OR2F1: variants seen among roughly 807,000 people sequenced by gnomAD.
OR2F1 encodes olfactory receptor 2F1.
For synonymous variants in OR2F1, 146 were observed against 155.3 expected, an observed-to-expected ratio of 0.94 and a Z score of 0.44; for missense variants, 389 against 378.2, an observed-to-expected ratio of 1.03 and a Z score of -0.24.
rs1403585969 is a variant in OR2F1, at chr7:143,963,733, T to A, written c.*2809T>A. On this transcript the variant is annotated 3_prime_UTR_variant, in exon 3 of 3. Coordinates refer to ENST00000641412, the MANE Select transcript of OR2F1 (RefSeq NM_012369.3). Reference sequence around the variant, plus strand: ...GAAAGCTGAAGAAATTGGAGTGGAGTCTGATGTTTAAGGTCAGGAAGCATC... The same window carrying A: ...GAAAGCTGAAGAAATTGGAGTGGAGACTGATGTTTAAGGTCAGGAAGCATC... 6.6e-6 allele frequency: 1 copy of A among 151,876 alleles called. No individual in the cohort carries two copies. Among genetic ancestry groups the A allele is most frequent in the Admixed American group, 6.6e-5 (1 of 15,254 alleles). 9.4% of individuals were successfully genotyped at this position (151,876 alleles called of 1,614,324 possible).
At position 143,960,508 on chromosome 7, in the gene OR2F1, G is replaced by A. The variant is rs112027056; in HGVS notation, c.538G>A (p.Glu180Lys). The A allele has an allele frequency of 5.6e-6, 9 of 1,614,162 alleles. No individual in the cohort carries two copies. In the African/African-American group the frequency reaches 6.7e-5, roughly 12 times the overall value. ...RNKFIDHISC[E>K]LLAVVRLACV... ...CAAGTTTATTGATCACATATCCTGT[G>A]AACTCCTAGCTGTGGTCAGGCTGGC... The change falls in exon 3 of 3, where the codon GAA becomes AAA. Residue 180 changes from glutamate (E) to lysine (K), a missense_variant. Glu to Lys is a moderately conservative substitution (Grantham distance 56, BLOSUM62 1). Transcript: ENST00000641412.
rs1403375535 is a variant in OR2F1 at position 143,961,843 on chromosome 7, A to G, written c.*919A>G. On this transcript the variant is annotated 3_prime_UTR_variant, in exon 3 of 3. Coordinates refer to ENST00000641412, the MANE Select transcript of OR2F1 (RefSeq NM_012369.3). ...TCAATGAAGGGTAAGATAATTTAAT[A>G]TGAAGTTTGGAACGTCAAGGAAGGT... 6.6e-6 allele frequency: 1 copy of G among 152,200 alleles called. No individual in the cohort carries two copies. The highest frequency in any genetic ancestry group is 1.5e-5 in the Non-Finnish European group (1 of 68,034). The allele number at this position is 152,200 out of a possible 1,614,324, so 9.4% of individuals were successfully genotyped here.
At position 143,964,083 on chromosome 7, in the gene OR2F1, C is replaced by T. The variant is rs190686304; in HGVS notation, c.*3159C>T. 6.6e-5 allele frequency: 10 copies of T among 152,110 alleles called. No individual in the cohort carries two copies. Among genetic ancestry groups the T allele is most frequent in the Admixed American group, 1.3e-4 (2 of 15,276 alleles). 9.4% of individuals were successfully genotyped at this position (152,110 alleles called of 1,614,324 possible). A position where few individuals can be genotyped will look rare whatever the true frequency, so the allele number is the denominator to read the frequency against. ...TTTTAATTTCAAGGCTGCACTTTCT[C>T]GGTAACTTTAATCTTCATAAATTAA... On this transcript the variant is annotated 3_prime_UTR_variant, in exon 3 of 3. Transcript: ENST00000641412.
intron 1 of OR2F1, among the ~76,000 whole-genome samples, 169 bp downstream of exon 1, chr7:143,955,272 C>T (rs2050276367): frequency 6.6e-6 from 1 of 151,982 alleles, no homozygotes; most frequent in African/African-American, 2.4e-5. Context: ...AAATTTTGAG[C>T]TTTGCTATTC....
chr7:143,956,917 A>C (rs1043465093), intron 1 of OR2F1, among the ~76,000 whole-genome samples: 2 of 152,150 alleles, frequency 1.3e-5, no homozygotes, highest in African/African-American at 4.8e-5. Context: ...AGAAGAGGGA[A>C]AAATAAAAGA....
At chr7:143,957,797 T>C (rs761032652) in intron 1 of OR2F1, among the ~76,000 whole-genome samples, 13 of 152,150 alleles carry the variant, frequency 8.5e-5, no homozygotes, top group Non-Finnish European at 1.9e-4. Flanking sequence ...CAAGGACCCT[T>C]CAGCTGGCCA....
rs1185532606 is a variant in OR2F1 at position 143,963,637 on chromosome 7, A to C, written c.*2713A>C. 1.3e-5 allele frequency: 2 copies of C among 153,034 alleles called. No individual in the cohort carries two copies. The highest frequency in any genetic ancestry group is 4.8e-5 in the African/African-American group (2 of 41,464). The allele number at this position is 153,034 out of a possible 1,614,324, so 9.5% of individuals were successfully genotyped here. A position where few individuals can be genotyped will look rare whatever the true frequency, so the allele number is the denominator to read the frequency against. ...AAACCTCAAAAGTAGGGAAGCCAAC[A>C]GTGCAGCCCTCAGTCTGTGGCCAAA... On this transcript the variant is annotated 3_prime_UTR_variant, in exon 3 of 3. Coordinates refer to ENST00000641412, the MANE Select transcript of OR2F1 (RefSeq NM_012369.3).
At chr7:143,958,790 C>CAAA (rs1298353816) in intron 1 of OR2F1, among the ~76,000 whole-genome samples, 163 bp from the exon 2 acceptor site, 1 of 151,950 alleles carries the variant, frequency 6.6e-6, no homozygotes, top group African/African-American at 2.4e-5. Context: ...ACTTGCTGAG[C>CAAA]AAAAGTAAGA....
Position 143,963,917 on chromosome 7 carries a change from A to G in OR2F1, c.*2993A>G, listed in dbSNP as rs1170344302. 5 of 152,138 alleles carry G rather than the reference A, an allele frequency of 3.3e-5. No individual in the cohort carries two copies. The highest frequency in any genetic ancestry group is 1.3e-4 in the Admixed American group (2 of 15,268). The allele number at this position is 152,138 out of a possible 1,614,324, so 9.4% of individuals were successfully genotyped here. A position where few individuals can be genotyped will look rare whatever the true frequency, so the allele number is the denominator to read the frequency against. The stretch of plus-strand genomic sequence containing the variant: ...TCCTAGTCCACTGACTCAGATGTTA[A>G]TCTCCTTTGGCATCACCTCCATAGA... On this transcript the variant is annotated 3_prime_UTR_variant, in exon 3 of 3. Transcript: ENST00000641412.
chr7:143,959,879 G>A, intron 2 of OR2F1, 69 bp from the exon 3 acceptor site: 1 of 1,043,320 alleles, frequency 9.6e-7, no homozygotes, highest in Non-Finnish European at 1.4e-6. Context: ...GGCATGTACA[G>A]AATGCATTCA....
In OR2F1 at chr7:143,961,031, G is replaced by GTACA; in HGVS notation, c.*109_*110insCATA. Reference sequence around the variant, plus strand: ...CCCTGGCAACCAGGAAGGAGATGACGTAGCATGTACTGTGGATGTTATGGA... The same window carrying GTACA: ...CCCTGGCAACCAGGAAGGAGATGACGTACATAGCATGTACTGTGGATGTTATGGA... On this transcript the variant is annotated 3_prime_UTR_variant, in exon 3 of 3. Coordinates refer to ENST00000641412, the MANE Select transcript of OR2F1 (RefSeq NM_012369.3). 1 of 809,290 alleles carries GTACA rather than the reference G, an allele frequency of 1.2e-6. No homozygotes were observed. The allele number at this position is 809,290 out of a possible 1,614,324, so 50.1% of individuals were successfully genotyped here.
In OR2F1 at chr7:143,960,419, T is replaced by A; in HGVS notation, c.449T>A (p.Val150Asp). 1.2e-6 allele frequency: 2 copies of A among 1,614,142 alleles called. No individual in the cohort carries two copies. Among genetic ancestry groups the A allele is most frequent in the South Asian group, 1.1e-5 (1 of 91,074 alleles). ...LCARLAITSWVSGFISSPVQT... is the reference protein window; with the variant it reads ...LCARLAITSWDSGFISSPVQT... ...GCTAGGTTGGCCATCACATCCTGGGTCAGTGGCTTCATCAGCTCTCCTGTG... is the reference window on the plus strand; with the variant it reads ...GCTAGGTTGGCCATCACATCCTGGGACAGTGGCTTCATCAGCTCTCCTGTG... Residue 150 changes from valine to aspartate, a missense_variant, in exon 3 of 3, where the codon GTC becomes GAC. Transcript: ENST00000641412.
At position 143,963,179 on chromosome 7, in the gene OR2F1, TAAG is replaced by T. The variant is rs1244062565; in HGVS notation, c.*2261_*2263del. 6.6e-6 allele frequency: 1 copy of T among 152,280 alleles called. No homozygotes were observed. The highest frequency in any genetic ancestry group is 2.4e-5 in the African/African-American group (1 of 41,550). 9.4% of individuals were successfully genotyped at this position (152,280 alleles called of 1,614,324 possible). On this transcript the variant is annotated 3_prime_UTR_variant, in exon 3 of 3. Transcript: ENST00000641412. Reference sequence around the variant, plus strand: ...TATATGAAATGGTATGGGAAAGAGATAAGAAGAAAGTAATCAAAAATACAAACA... The same window carrying T: ...TATATGAAATGGTATGGGAAAGAGATAAGAAAGTAATCAAAAATACAAACA...
intron 1 of OR2F1, among the ~76,000 whole-genome samples, chr7:143,958,604 C>T (rs997830750): frequency 1.3e-5 from 2 of 152,168 alleles, no homozygotes; most frequent in East Asian, 1.9e-4. Flanking sequence ...GTCCTTAATG[C>T]CTCCTGCCTC....
chr7:143,960,078 G>T lies in OR2F1; in HGVS notation c.108G>T (p.Val36=). The part of the protein sequence containing the change: ...SLFVLFLVMY[V]VTVLGNCLIV... Reference sequence around the variant, plus strand: ...TTGTCCTGTTCTTGGTCATGTATGTGGTGACCGTGCTGGGGAACTGTCTCA... The same window carrying T: ...TTGTCCTGTTCTTGGTCATGTATGTTGTGACCGTGCTGGGGAACTGTCTCA... The change falls in exon 3 of 3, where the codon GTG becomes GTT. Residue 36 remains valine (V), a synonymous_variant. Coordinates refer to ENST00000641412, the MANE Select transcript of OR2F1 (RefSeq NM_012369.3). 2 of 1,614,074 alleles carry T rather than the reference G, an allele frequency of 1.2e-6. 1 individual carries two copies. Among genetic ancestry groups the T allele is most frequent in the Middle Eastern group, 3.3e-4 (2 of 6,062 alleles).
At position 143,960,061 on chromosome 7, in the gene OR2F1, T is replaced by A; in HGVS notation, c.91T>A (p.Phe31Ile). Residue 31 changes from phenylalanine to isoleucine, a missense_variant, in exon 3 of 3, where the codon TTC (phenylalanine) becomes ATC (isoleucine). By Grantham distance (21) the Phe-to-Ile change is conservative. Coordinates refer to ENST00000641412, the MANE Select transcript of OR2F1 (RefSeq NM_012369.3). The stretch of plus-strand genomic sequence containing the variant: ...CACTCGGGTCTCCCTGTTTGTCCTG[T>A]TCTTGGTCATGTATGTGGTGACCGT... ...WDTRVSLFVL[F>I]LVMYVVTVLG... The A allele has an allele frequency of 6.2e-7, 1 of 1,614,200 alleles. No individual in the cohort carries two copies. Among genetic ancestry groups the A allele is most frequent in the Non-Finnish European group, 8.5e-7 (1 of 1,180,036 alleles).
chr7:143,959,631 G>T (rs569861999), intron 2 of OR2F1, among the ~76,000 whole-genome samples: 4 of 152,054 alleles, frequency 2.6e-5, no homozygotes, highest in African/African-American at 7.2e-5. Context: ...TCATTTTACC[G>T]CTGGTTGTCA....
rs909695581 is a variant in OR2F1, at chr7:143,959,128, C to G, written c.-24+20C>G. 3 of 152,140 alleles carry G rather than the reference C, an allele frequency of 2.0e-5. No individual in the cohort carries two copies. The highest frequency in any genetic ancestry group is 4.4e-5 in the Non-Finnish European group (3 of 68,036). The allele number at this position is 152,140 out of a possible 1,614,324, so 9.4% of individuals were successfully genotyped here. On this transcript the variant is annotated intron_variant, in intron 2 of 2. Coordinates refer to ENST00000641412, the MANE Select transcript of OR2F1 (RefSeq NM_012369.3). ...TCTCAGGTATGTTACAGATTGTCTC[C>G]AATTTTATTTGTATCTGAATTTGTG...
rs765961901 is a variant in OR2F1 at position 143,963,853 on chromosome 7, T to C, written c.*2929T>C. The C allele has an allele frequency of 2.0e-5, 3 of 152,238 alleles. No individual in the cohort carries two copies. The highest frequency in any genetic ancestry group is 4.4e-5 in the Non-Finnish European group (3 of 68,062). 9.4% of individuals were successfully genotyped at this position (152,238 alleles called of 1,614,324 possible). ...TTATCCTAGCCATGCTGGCAGCTGA[T>C]TAGATGGTGCCTACCCAGATTGAGG... On this transcript the variant is annotated 3_prime_UTR_variant, in exon 3 of 3. Coordinates refer to ENST00000641412, the MANE Select transcript of OR2F1 (RefSeq NM_012369.3).
Sources: gnomAD v4.1 joint callset for allele counts (sites outside exome capture counted in the v4.1 genomes callset) on GRCh38, gnomAD v4.1.1 for gene constraint, MANE v1.5 for transcripts, NCBI Gene and HGNC (gene_info 2026-07-23, HGNC 2026-07-21) for gene names.